RBFOX1: variants seen among roughly 807,000 people sequenced by gnomAD.
RBFOX1 encodes RNA binding fox-1 homolog 1, also known as RNA binding protein fox-1 homolog 1.
RBFOX1 carries 8 observed loss-of-function variants against 57.7 expected under a neutral mutation model. The ratio of observed to expected loss-of-function variants is 0.14; its 90% confidence interval spans 0.08 to 0.25. RBFOX1 has a LOEUF of 0.25. Ranked by LOEUF, RBFOX1 falls within the 10% of genes least tolerant of loss-of-function variation. The pLI is 1.00. For missense variants in RBFOX1, 611 were observed against 548.5 expected (o/e 1.11, Z -1.14); for synonymous variants, 326 against 222.4 (o/e 1.47, Z -4.15).
At chr16:7,033,481 C>A (rs1289024883) in intron 3 of RBFOX1, among the ~76,000 whole-genome samples, 1 of 152,178 alleles carries the variant, frequency 6.6e-6, no homozygotes, top group African/African-American at 2.4e-5. Context: ...GATTGCGCCA[C>A]TGCAGTCCAG....
intron 4 of RBFOX1, among the ~76,000 whole-genome samples, chr16:5,921,498 G>A (rs1420389898): frequency 6.6e-6 from 1 of 152,068 alleles, no homozygotes; most frequent in Admixed American, 6.6e-5. Flanking sequence ...GACCGATGAG[G>A]GCATCAAGAT....
intron 1 of RBFOX1, among the ~76,000 whole-genome samples, chr16:6,284,542 C>G (rs555650179): frequency 6.6e-6 from 1 of 152,224 alleles, no homozygotes; most frequent in African/African-American, 2.4e-5. Flanking sequence ...TTTTTATCAC[C>G]TGTTTGCCTG....
At chr16:6,240,734 C>A (rs2097535742) in intron 1 of RBFOX1, among the ~76,000 whole-genome samples, 1 of 152,082 alleles carries the variant, frequency 6.6e-6, no homozygotes, top group African/African-American at 2.4e-5. Flanking sequence ...TTGCAGAACA[C>A]TGACGTCTTG....
intron 3 of RBFOX1, among the ~76,000 whole-genome samples, chr16:5,699,088 A>C (rs1032110071): frequency 2.0e-5 from 3 of 150,978 alleles, no homozygotes; most frequent in African/African-American, 4.9e-5. Flanking sequence ...CATGGATTCA[A>C]GTGATTCTCA....
intron 3 of RBFOX1, among the ~76,000 whole-genome samples, chr16:6,832,864 G>A (rs2092807930): frequency 6.6e-6 from 1 of 152,206 alleles, no homozygotes; most frequent in African/African-American, 2.4e-5. Context: ...ATCAAAGCCT[G>A]TGCTAGACCT....
At position 6,539,838 on chromosome 16, in the gene RBFOX1, G is replaced by GACACACACACACACACACAC. The variant is rs2096788574; in HGVS notation, c.-63-114763_-63-114762insACACACACACACACACACAC. 3.0e-5 allele frequency among the ~76,000 whole-genome samples: 2 copies of GACACACACACACACACACAC among 66,422 alleles called. 1 individual carries two copies. Among genetic ancestry groups the GACACACACACACACACACAC allele is most frequent in the Non-Finnish European group, 7.5e-5 (2 of 26,540 alleles). 43.6% of individuals were successfully genotyped at this position (66,422 alleles called of 152,430 possible). On this transcript the variant is annotated intron_variant, in intron 2 of 15. Transcript: ENST00000550418. ...ACACACACACACACACACACACACA[G>GACACACACACACACACACAC]ACTTTAGAATTATCTCATTGTCTTC...
intron 2 of RBFOX1, among the ~76,000 whole-genome samples, chr16:6,319,188 T>G (rs1439856956): frequency 6.6e-6 from 1 of 152,178 alleles, no homozygotes; most frequent in Non-Finnish European, 1.5e-5. Context: ...TGGCTGACAC[T>G]GGGCCTGGGC....
Position 7,712,895 on chromosome 16 carries a change from G to C in RBFOX1, c.*2150G>C, listed in dbSNP as rs1042987398. 1 of 152,182 alleles carries C rather than the reference G, an allele frequency of 6.6e-6. No individual in the cohort carries two copies. Among genetic ancestry groups the C allele is most frequent in the Non-Finnish European group, 1.5e-5 (1 of 68,034 alleles). The allele number at this position is 152,182 out of a possible 1,614,324, so 9.4% of individuals were successfully genotyped here. ...CAAACATAGAATTCTTACTGTGTTG[G>C]TTAAAGTAAAATTCATTTGCAGTTT... On this transcript the variant is annotated 3_prime_UTR_variant, in exon 16 of 16. Transcript: ENST00000550418.
intron 4 of RBFOX1, among the ~76,000 whole-genome samples, chr16:5,926,365 A>G (rs2058941277): frequency 6.6e-6 from 1 of 152,114 alleles, no homozygotes; most frequent in African/African-American, 2.4e-5. Context: ...GCTGTTCTTA[A>G]TCAGCTTCCT....
At chr16:6,861,627 C>G (rs8058045) in intron 3 of RBFOX1, among the ~76,000 whole-genome samples, 2 of 151,862 alleles carry the variant, frequency 1.3e-5, no homozygotes, top group South Asian at 4.2e-4. Context: ...TACATTGGGT[C>G]TTTATGTTGC....
intron 3 of RBFOX1, among the ~76,000 whole-genome samples, chr16:5,721,412 G>A (rs4627349): frequency 0.56 from 85,786 of 151,978 alleles, 27,196 homozygotes; most frequent in Non-Finnish European, 0.73. Context: ...TTGTCTGCAA[G>A]TAAAGATATT....
At chr16:7,510,185 T>C in intron 4 of RBFOX1, 20 of 985,830 alleles carry the variant, frequency 2.0e-5, no homozygotes, top group Non-Finnish European at 2.4e-5. Context: ...ACCCCGATCA[T>C]CCACACATTG....
At chr16:5,618,385 T>G (rs1048939460) in intron 3 of RBFOX1, among the ~76,000 whole-genome samples, 1 of 152,106 alleles carries the variant, frequency 6.6e-6, no homozygotes, top group Admixed American at 6.5e-5. Context: ...TCACCCAGGC[T>G]GCAGTGCAGT....
In RBFOX1 at chr16:6,580,118, C is replaced by T. The variant is rs561508172; in HGVS notation, c.-63-74485C>T. On this transcript the variant is annotated intron_variant, in intron 2 of 15. Transcript: ENST00000550418. ...GGATTACAGGTGCCCACCACCGCAC[C>T]TAGCTAACTTTTGTGTTTTTAGAAG... is the stretch of plus-strand genomic sequence containing the variant. Among the ~76,000 whole-genome samples the T allele has an allele frequency of 1.1e-3, 165 of 152,124 alleles. No homozygotes were observed. The South Asian group carries it at 0.015, about 14-fold the overall frequency.
chr16:6,719,387 A>T (rs2065479304), intron 3 of RBFOX1, among the ~76,000 whole-genome samples: 1 of 152,146 alleles, frequency 6.6e-6, no homozygotes, highest in South Asian at 2.1e-4. Context: ...ATTTAAAATA[A>T]CTATTACTAA....
At chr16:6,732,773 A>G (rs1253134430) in intron 3 of RBFOX1, among the ~76,000 whole-genome samples, 6 of 152,192 alleles carry the variant, frequency 3.9e-5, no homozygotes, top group African/African-American at 7.2e-5. Context: ...TACATGCTGC[A>G]CACCTACATT....
intron 12 of RBFOX1, 21 bp from the exon 13 acceptor site, chr16:7,664,908 T>C (rs1343389372): frequency 6.2e-7 from 1 of 1,613,948 alleles, no homozygotes; most frequent in Non-Finnish European, 8.5e-7. Context: ...GATGTTTCTC[T>C]TTGTGTGTGC....
chr16:7,672,737 CA>C (rs1251503529), intron 13 of RBFOX1, among the ~76,000 whole-genome samples: 1 of 151,634 alleles, frequency 6.6e-6, no homozygotes. Context: ...CGTGGTGGCA[CA>C]TGCCTGCAGT....
intron 3 of RBFOX1, among the ~76,000 whole-genome samples, chr16:6,959,254 T>C (rs983394245): frequency 6.6e-6 from 1 of 152,166 alleles, no homozygotes; most frequent in South Asian, 2.1e-4. Flanking sequence ...GACAGGCAGA[T>C]TTTGTGAGGC....
Sources: gnomAD v4.1 joint callset for allele counts (sites outside exome capture counted in the v4.1 genomes callset) on GRCh38, gnomAD v4.1.1 for gene constraint, MANE v1.5 for transcripts, NCBI Gene and HGNC (gene_info 2026-07-23, HGNC 2026-07-21) for gene names.